SECISBP2L: variants seen among roughly 807,000 people sequenced by gnomAD.
SECISBP2L encodes SECIS binding protein 2 like.
A neutral mutation model predicts 114.7 loss-of-function variants in SECISBP2L; 43 were observed. The ratio of observed to expected loss-of-function variants is 0.38; its 90% CI spans 0.29 to 0.48. The LOEUF is 0.48. SECISBP2L is among the 20% of genes least tolerant of loss of function. The pLI is 0.98. For missense variants in SECISBP2L, 1,136 were observed against 1,301.1 expected (o/e 0.87, Z 1.95); for synonymous variants, 451 against 439.7 (o/e 1.03, Z -0.32).
chr15:48,996,027 G>C (rs1015657396), intron 17 of SECISBP2L: 2 of 239,496 alleles, frequency 8.4e-6, no homozygotes, highest in Non-Finnish European at 8.2e-6. Flanking sequence ...CCAGCCCTTA[G>C]GAAATATAAA....
chr15:49,021,156 A>G lies in SECISBP2L; in HGVS notation c.1036-1604T>C, dbSNP rs79976409. Among the ~76,000 whole-genome samples the G allele has an allele frequency of 4.2e-3, 632 of 152,216 alleles. 4 individuals are homozygous for G. Among genetic ancestry groups the G allele is most frequent in the South Asian group, 0.017 (83 of 4,818 alleles). On this transcript the variant is annotated intron_variant, in intron 7 of 17. Coordinates refer to ENST00000559471, the MANE Select transcript of SECISBP2L (RefSeq NM_001193489.2). The stretch of plus-strand genomic sequence containing the variant: ...GAGACGCCTTCACCCCTTCTACCAC[A>G]TAAGGACAAAGCTAGAAGACAGCCA...
At chr15:49,017,520 T>C (rs930052285) in intron 9 of SECISBP2L, 28 bp downstream of exon 9, 6 of 1,384,296 alleles carry the variant, frequency 4.3e-6, no homozygotes, top group Non-Finnish European at 6.1e-6. Flanking sequence ...ATGTTATATT[T>C]TGCTTTTCTT....
intron 7 of SECISBP2L, among the ~76,000 whole-genome samples, chr15:49,021,862 G>A (rs765522195): frequency 1.2e-4 from 18 of 152,100 alleles, no homozygotes; most frequent in Non-Finnish European, 2.5e-4. Context: ...TCAGGACGTC[G>A]AAATACTTTT....
intron 7 of SECISBP2L, among the ~76,000 whole-genome samples, chr15:49,026,279 T>G (rs1021852703): frequency 6.6e-6 from 1 of 152,030 alleles, no homozygotes; most frequent in Non-Finnish European, 1.5e-5. Flanking sequence ...TACAGTTACA[T>G]AGAGGGAATA....
At chr15:48,994,840 G>GGAA (rs1298044847) in intron 17 of SECISBP2L, among the ~76,000 whole-genome samples, 2 of 50,392 alleles carry the variant, frequency 4.0e-5, no homozygotes, top group Non-Finnish European at 9.1e-5. Context: ...GTAAGTGCTG[G>GGAA]GGAAAAAAAA....
intron 7 of SECISBP2L, among the ~76,000 whole-genome samples, chr15:49,022,532 G>A (rs1033624165): frequency 2.4e-4 from 37 of 151,538 alleles, no homozygotes; most frequent in African/African-American, 8.9e-4. Flanking sequence ...AACCCAGGAG[G>A]AGGAGGTTGC....
intron 14 of SECISBP2L, among the ~76,000 whole-genome samples, chr15:49,008,181 T>C (rs1902362053): frequency 6.6e-6 from 1 of 152,192 alleles, no homozygotes; most frequent in African/African-American, 2.4e-5. Context: ...GGCAAGCAAA[T>C]TTCTACTTTT....
chr15:49,032,265 T>A (rs1188471495), intron 4 of SECISBP2L, among the ~76,000 whole-genome samples: 1 of 152,218 alleles, frequency 6.6e-6, no homozygotes, highest in South Asian at 2.1e-4. Flanking sequence ...TTTTTACTAG[T>A]GTCAATAACT....
At chr15:49,029,315 A>G (rs2141080249) in intron 4 of SECISBP2L, among the ~76,000 whole-genome samples, 1 of 152,254 alleles carries the variant, frequency 6.6e-6, no homozygotes, top group South Asian at 2.1e-4. Flanking sequence ...AGAGCTTACA[A>G]TCTATTCTGA....
In SECISBP2L at chr15:49,019,557, G is replaced by A. The variant is rs1182426810; in HGVS notation, c.1036-5C>T. The A allele has an allele frequency of 1.4e-6, 2 of 1,461,642 alleles. No homozygotes were observed. The highest frequency in any genetic ancestry group is 1.5e-5 in the African/African-American group (1 of 68,712). 90.5% of individuals were successfully genotyped at this position (1,461,642 alleles called of 1,614,324 possible). A position where few individuals can be genotyped will look rare whatever the true frequency, so the allele number is the denominator to read the frequency against. ...TCCTCGGCATCTGAATCCAACCTAA[G>A]TAAACCCCAGAGGGGAAAAAAAATC... is the stretch of plus-strand genomic sequence containing the variant. On this transcript the variant is annotated splice_region_variant and splice_polypyrimidine_tract_variant and intron_variant, in intron 7 of 17. Transcript: ENST00000559471.
chr15:48,993,183 C>T (rs895212273), intron 17 of SECISBP2L, among the ~76,000 whole-genome samples: 11 of 149,946 alleles, frequency 7.3e-5, no homozygotes, highest in African/African-American at 2.5e-4. Flanking sequence ...AATGCAGCAA[C>T]ATGATCTTGG....
At chr15:49,036,417 G>C (rs1481009379) in intron 2 of SECISBP2L, among the ~76,000 whole-genome samples, 2 of 152,148 alleles carry the variant, frequency 1.3e-5, no homozygotes, top group Non-Finnish European at 2.9e-5. Context: ...AAGCAAAATA[G>C]TAAAATGTTC....
chr15:49,030,682 C>T (rs993065004), intron 4 of SECISBP2L, among the ~76,000 whole-genome samples: 7 of 152,180 alleles, frequency 4.6e-5, no homozygotes, highest in Non-Finnish European at 1.0e-4. Context: ...ATTTCTTCTA[C>T]CATAGGGTTT....
At chr15:49,021,945 G>A (rs572445057) in intron 7 of SECISBP2L, among the ~76,000 whole-genome samples, 1 of 152,190 alleles carries the variant, frequency 6.6e-6, no homozygotes, top group Non-Finnish European at 1.5e-5. Context: ...AGAAGCTACG[G>A]CTTTGAATAT....
intron 16 of SECISBP2L, 40 bp downstream of exon 16, chr15:48,999,793 T>C: frequency 1.3e-6 from 2 of 1,591,506 alleles, no homozygotes; most frequent in Non-Finnish European, 1.7e-6. Flanking sequence ...ATCTGGGGGA[T>C]GTGCTGGAGA....
Position 48,996,516 on chromosome 15 carries a change from A to G in SECISBP2L, c.2474T>C (p.Met825Thr). ...GGCTTCCTCAGCCTGCTCCTGTTCC[A>G]TTGCTGCAACCATATCTTTATATGC... is the stretch of plus-strand genomic sequence containing the variant. ...RKAYKDMVAA[M>T]EQEQAEEALK... Residue 825 changes from methionine to threonine, a missense_variant, in exon 17 of 18, where the codon ATG (methionine) becomes ACG (threonine). Physicochemically the swap from Met to Thr is moderately conservative, Grantham distance 81. Around this residue, in one of 2 missense-constraint regions of SECISBP2L, gnomAD observed 684 missense variants for 848.7 expected, o/e 0.81. Transcript: ENST00000559471. 6.2e-7 allele frequency: 1 copy of G among 1,614,098 alleles called. No individual in the cohort carries two copies. Among genetic ancestry groups the G allele is most frequent in the Non-Finnish European group, 8.5e-7 (1 of 1,180,014 alleles).
rs569799444 is a variant in SECISBP2L at position 49,017,188 on chromosome 15, T to A, written c.1252-173A>T. On this transcript the variant is annotated intron_variant, in intron 9 of 17. Coordinates refer to ENST00000559471, the MANE Select transcript of SECISBP2L (RefSeq NM_001193489.2). ...GGGACCATTTCAGACTGGGAAATAA[T>A]AAAGGGACAAAACAGCTTAATGCAG... is the stretch of plus-strand genomic sequence containing the variant. 14 of 654,030 alleles carry A rather than the reference T, an allele frequency of 2.1e-5. No homozygotes were observed. In the African/African-American group the frequency reaches 2.4e-4, roughly 11 times the overall value. The allele number at this position is 654,030 out of a possible 1,614,324, so 40.5% of individuals were successfully genotyped here. A position where few individuals can be genotyped will look rare whatever the true frequency, so the allele number is the denominator to read the frequency against.
At chr15:49,019,667 C>T in intron 7 of SECISBP2L, 115 bp from the exon 8 acceptor site, 1 of 792,112 alleles carries the variant, frequency 1.3e-6, no homozygotes, top group East Asian at 3.4e-5. Flanking sequence ...AATAAATTTT[C>T]ACCAAGTGCA....
In SECISBP2L at chr15:49,035,362, T is replaced by C; in HGVS notation, c.500A>G (p.Asn167Ser). The C allele has an allele frequency of 1.2e-6, 2 of 1,614,142 alleles. No homozygotes were observed. The highest frequency in any genetic ancestry group is 3.3e-5 in the Admixed American group (2 of 60,024). Residue 167 changes from asparagine to serine, a missense_variant, in exon 3 of 18, where the codon AAC becomes AGC. Coordinates refer to ENST00000559471, the MANE Select transcript of SECISBP2L (RefSeq NM_001193489.2). ...TGGGACCACTGATCCTCTGTTACTG[T>C]TTCTGCTTCGATGGCTGGACAATGG... is the stretch of plus-strand genomic sequence containing the variant. ...VFPLSSHRSR[N>S]SNRGSVVPKQ...
Sources: allele counts gnomAD v4.1 joint callset (sites outside exome capture counted in the v4.1 genomes callset), GRCh38; gene constraint gnomAD v4.1.1; regional missense constraint gnomAD v4.1.1; transcripts MANE v1.5; gene names NCBI Gene and HGNC (gene_info 2026-07-23, HGNC 2026-07-21).